Variants in SHROOM3 observed in about 807,000 individuals in gnomAD.
SHROOM3 encodes protein Shroom3.
Under a neutral mutation model 138.6 loss-of-function variants are expected in SHROOM3, and 47 were observed. The ratio of observed to expected loss-of-function variants is 0.34; its 90% CI spans 0.27 to 0.43. The LOEUF (loss-of-function observed/expected upper bound fraction) is 0.43. SHROOM3 is among the 20% of genes least tolerant of loss of function. The probability of loss-of-function intolerance (pLI) is 1.00; values close to 1 mark genes in which losing one functional copy is unlikely to be tolerated. For synonymous variants in SHROOM3, 1,062 were observed against 1,063.3 expected (o/e 1.00, Z 0.02); for missense variants, 2,491 against 2,596.5 (o/e 0.96, Z 0.88).
rs185295034 is a variant in SHROOM3 at position 76,711,555 on chromosome 4, T to A, written c.455+1268T>A. 2.0e-5 allele frequency among the ~76,000 whole-genome samples: 3 copies of A among 152,280 alleles called. No individual in the cohort carries two copies. The East Asian group carries it at 5.8e-4, about 29-fold the overall frequency. ...AAAAAATATAAAAATTAGCTGGGCA[T>A]ACTGGCACACACCTGTGGTCCCAAG... On this transcript the variant is annotated intron_variant, in intron 3 of 10. Transcript: ENST00000296043.
intron 1 of SHROOM3, among the ~76,000 whole-genome samples, chr4:76,449,139 A>G (rs1011973982): frequency 5.9e-5 from 9 of 152,154 alleles, no homozygotes; most frequent in Non-Finnish European, 1.3e-4. Flanking sequence ...TGAGAGTAGG[A>G]TCCACTCTCT....
intron 1 of SHROOM3, among the ~76,000 whole-genome samples, chr4:76,529,417 C>T (rs1306455301): frequency 6.6e-6 from 1 of 151,980 alleles, no homozygotes; most frequent in Non-Finnish European, 1.5e-5. Context: ...CCCGAGTTCA[C>T]ACCGTTCTCT....
intron 1 of SHROOM3, among the ~76,000 whole-genome samples, chr4:76,468,742 T>C (rs1731298777): frequency 6.6e-6 from 1 of 152,022 alleles, no homozygotes; most frequent in African/African-American, 2.4e-5. Flanking sequence ...ATCAAAAGCA[T>C]TTGATGGCCT....
chr4:76,496,310 G>C (rs1731967457), intron 1 of SHROOM3, among the ~76,000 whole-genome samples: 1 of 152,186 alleles, frequency 6.6e-6, no homozygotes, highest in South Asian at 2.1e-4. Flanking sequence ...AATTCACACT[G>C]CACATGCAGC....
At chr4:76,733,129 G>A (rs1720930999) in intron 4 of SHROOM3, among the ~76,000 whole-genome samples, 1 of 152,154 alleles carries the variant, frequency 6.6e-6, no homozygotes, top group African/African-American at 2.4e-5. Context: ...AAGCCACACT[G>A]TGACTTAAAA....
intron 3 of SHROOM3, among the ~76,000 whole-genome samples, chr4:76,720,151 G>GTTTTTTTTTTTTTTTTTTTTTT (rs59839066): frequency 1.2e-5 from 1 of 82,998 alleles, no homozygotes; most frequent in Non-Finnish European, 2.2e-5. Flanking sequence ...TGTTTTTTAG[G>GTTTTTTTTTTTTTTTTTTTTTT]TTTTTTTTTT....
intron 6 of SHROOM3, among the ~76,000 whole-genome samples, chr4:76,752,109 T>C (rs913170384): frequency 3.3e-5 from 5 of 152,354 alleles, no homozygotes; most frequent in South Asian, 2.1e-4. Flanking sequence ...AAATGTGGTA[T>C]AGCCATACAA....
At chr4:76,590,756 A>G (rs1027015555) in intron 2 of SHROOM3, among the ~76,000 whole-genome samples, 7 of 152,120 alleles carry the variant, frequency 4.6e-5, no homozygotes, top group African/African-American at 1.7e-4. Flanking sequence ...AGGTGAAAAC[A>G]AGTTTCCAAG....
chr4:76,518,759 A>G (rs1732501204), intron 1 of SHROOM3, among the ~76,000 whole-genome samples: 1 of 152,222 alleles, frequency 6.6e-6, no homozygotes, highest in African/African-American at 2.4e-5. Context: ...CCTAGAAAAC[A>G]TAAATACTGA....
At chr4:76,516,124 T>A (rs1732439111) in intron 1 of SHROOM3, among the ~76,000 whole-genome samples, 1 of 152,206 alleles carries the variant, frequency 6.6e-6, no homozygotes. Flanking sequence ...TTCTTTGAAG[T>A]CACCACAGAG....
chr4:76,567,734 A>G (rs1733756372), intron 2 of SHROOM3, among the ~76,000 whole-genome samples: 1 of 152,128 alleles, frequency 6.6e-6, no homozygotes, highest in African/African-American at 2.4e-5. Flanking sequence ...TTATTTTTTG[A>G]TTGTAAATAA....
intron 2 of SHROOM3, among the ~76,000 whole-genome samples, chr4:76,635,396 G>A (rs1377102296): frequency 6.6e-6 from 1 of 152,166 alleles, no homozygotes; most frequent in Admixed American, 6.5e-5. Context: ...GACCTGACAT[G>A]AGCTGGTCAT....
Position 76,740,013 on chromosome 4 carries a change from G to T in SHROOM3, c.1840G>T (p.Gly614Cys). Residue 614 changes from glycine (G) to cysteine (C), a missense_variant, in exon 5 of 11, where the codon GGT (glycine) becomes TGT (cysteine). Gly to Cys is a radical substitution (Grantham distance 159, BLOSUM62 -3). Around this residue, in one of 4 missense-constraint regions of SHROOM3, gnomAD observed 1,733 missense variants for 1,661.6 expected, o/e 1.04. Transcript: ENST00000296043. The surrounding 1 kb of genome is among the most constrained non-coding windows in gnomAD (Gnocchi z 4.0). ...CCCTCAGGCTCAGGCCTGGCAAGCG[G>T]GTGAAGACAAGAGATCTTCCAGGCT... ...KCPQAQAWQA[G>C]EDKRSSRLSE... 6.2e-7 allele frequency: 1 copy of T among 1,613,956 alleles called. No homozygotes were observed. The highest frequency in any genetic ancestry group is 8.5e-7 in the Non-Finnish European group (1 of 1,180,042).
chr4:76,682,520 T>A (rs1392683362), intron 2 of SHROOM3, among the ~76,000 whole-genome samples: 1 of 152,160 alleles, frequency 6.6e-6, no homozygotes, highest in Non-Finnish European at 1.5e-5. Context: ...CACTGTGAGT[T>A]CCTTGAAGTT....
intron 1 of SHROOM3, among the ~76,000 whole-genome samples, chr4:76,478,437 C>G (rs1731534881): frequency 1.3e-5 from 2 of 152,240 alleles, no homozygotes; most frequent in African/African-American, 4.8e-5. Context: ...GATTCTGCCT[C>G]TCTAGGCAGG....
intron 2 of SHROOM3, among the ~76,000 whole-genome samples, chr4:76,679,661 TACTC>T (rs996007726): frequency 6.6e-6 from 1 of 152,174 alleles, no homozygotes; most frequent in African/African-American, 2.4e-5. Context: ...TCAATTAAAA[TACTC>T]ACTTGTCTCA....
chr4:76,756,669 C>A lies in SHROOM3; in HGVS notation c.4930C>A (p.Pro1644Thr). The change falls in exon 8 of 11, where the codon CCA becomes ACA. Residue 1644 changes from proline to threonine, a missense_variant. Pro to Thr is a conservative substitution (Grantham distance 38). Coordinates refer to ENST00000296043, the MANE Select transcript of SHROOM3 (RefSeq NM_020859.4). The stretch of plus-strand genomic sequence containing the variant: ...CCAGACTCAAAGCCTCAGCCATGAT[C>A]CAGTCAGTGGAACTCAGGGTTTAGA... ...PIQTQSLSHDPVSGTQGLEKK... is the reference protein window; with the variant it reads ...PIQTQSLSHDTVSGTQGLEKK... 6.2e-7 allele frequency: 1 copy of A among 1,613,996 alleles called. No individual in the cohort carries two copies. Among genetic ancestry groups the A allele is most frequent in the Non-Finnish European group, 8.5e-7 (1 of 1,179,988 alleles).
chr4:76,548,833 G>C (rs146510982), intron 1 of SHROOM3, among the ~76,000 whole-genome samples: 1 of 152,198 alleles, frequency 6.6e-6, no homozygotes, highest in Non-Finnish European at 1.5e-5. Flanking sequence ...TCCAATGTGC[G>C]GATATACACC....
At chr4:76,515,212 C>T (rs1466212259) in intron 1 of SHROOM3, among the ~76,000 whole-genome samples, 7 of 109,952 alleles carry the variant, frequency 6.4e-5, no homozygotes, top group African/African-American at 2.8e-4. Flanking sequence ...AAAACTCTGT[C>T]TAAAAAAAAA....
Sources: allele counts gnomAD v4.1 joint callset (sites outside exome capture counted in the v4.1 genomes callset), GRCh38; gene constraint gnomAD v4.1.1; regional missense constraint gnomAD v4.1.1; non-coding constraint Gnocchi (gnomAD v3.1); transcripts MANE v1.5; gene names NCBI Gene and HGNC (gene_info 2026-07-23, HGNC 2026-07-21).